Variants in CTSK observed in about 807,000 individuals in gnomAD.
CTSK encodes the protein cathepsin K, also known as cathepsin O.
In CTSK, 26 loss-of-function variants were observed where a neutral mutation model predicts 40.5. The ratio of observed to expected loss-of-function variants is 0.64; its 90% CI spans 0.47 to 0.89. The LOEUF (loss-of-function observed/expected upper bound fraction) is 0.89. Among genes scored for constraint, CTSK ranks in the 40% least tolerant of loss-of-function variants. The pLI is 0.00. For synonymous variants in CTSK, 132 were observed against 143.2 expected, an observed-to-expected ratio of 0.92 and a Z score of 0.56; for missense variants, 292 against 400.1, an observed-to-expected ratio of 0.73 and a Z score of 2.30.
rs1269008051 is a variant in CTSK, at chr1:150,799,292, G to C, written c.785-19C>G. On this transcript the variant is annotated intron_variant, in intron 6 of 7. Transcript: ENST00000271651. ...TACACACCTAGAATACAAACTACCA[G>C]CGTGAGGCTCTATGCAATCCAAGGG... 3.2e-6 allele frequency: 5 copies of C among 1,555,862 alleles called. No homozygotes were observed. In the African/African-American group the frequency reaches 6.8e-5, roughly 21 times the overall value.
intron 2 of CTSK, 118 bp downstream of exon 2, chr1:150,806,567 GA>G: frequency 7.7e-7 from 1 of 1,304,172 alleles, no homozygotes; most frequent in South Asian, 1.2e-5. Context: ...ATGAGTTAGG[GA>G]AGAGGGACTG....
At chr1:150,799,033 C>A in intron 7 of CTSK, 135 bp downstream of exon 7, 1 of 698,332 alleles carries the variant, frequency 1.4e-6, no homozygotes, top group South Asian at 1.6e-5. Context: ...GAGCCTCTGA[C>A]TGAGAAGATA....
At chr1:150,807,080 T>TCACACACACACACACACA (rs1171180978) in intron 1 of CTSK, among the ~76,000 whole-genome samples, 6 of 69,550 alleles carry the variant, frequency 8.6e-5, no homozygotes, top group Non-Finnish European at 1.4e-4. Context: ...TCTCTCTCTC[T>TCACACACACACACACACA]CACACACACA....
intron 1 of CTSK, among the ~76,000 whole-genome samples, chr1:150,807,067 GTCTCTCTC>G (rs60084401): frequency 2.2e-4 from 28 of 128,658 alleles, no homozygotes; most frequent in Admixed American, 3.2e-4. Context: ...TTCTCTCTCT[GTCTCTCTC>G]TCTCTCACAC....
intron 7 of CTSK, 32 bp from the exon 8 acceptor site, chr1:150,796,930 C>G: frequency 7.3e-7 from 1 of 1,367,998 alleles, no homozygotes; most frequent in Non-Finnish European, 1.0e-6. Context: ...ATACTTAGTA[C>G]TCTCAGTTTA....
chr1:150,801,425 C>T (rs1653985969), intron 5 of CTSK, among the ~76,000 whole-genome samples: 1 of 151,850 alleles, frequency 6.6e-6, no homozygotes, highest in Non-Finnish European at 1.5e-5. Flanking sequence ...GGCCACATCT[C>T]TTCTTTTTTA....
At chr1:150,800,490 A>G (rs1571124285) in intron 5 of CTSK, 1 of 153,656 alleles carries the variant, frequency 6.5e-6, no homozygotes, top group African/African-American at 2.4e-5. Context: ...ACACTAAAAT[A>G]GATTAAAGAA....
intron 5 of CTSK, among the ~76,000 whole-genome samples, chr1:150,803,764 C>T (rs972882008): frequency 6.6e-6 from 1 of 152,114 alleles, no homozygotes. Flanking sequence ...GAACCCAGCT[C>T]GGAAGTCTAT....
chr1:150,806,534 A>G (rs1654095529), intron 2 of CTSK, 152 bp downstream of exon 2: 1 of 1,008,676 alleles, frequency 9.9e-7, no homozygotes, highest in Non-Finnish European at 1.5e-6. Flanking sequence ...TTTGAAGCAT[A>G]GGAATGAAAA....
chr1:150,806,332 G>C (rs1343404456), intron 2 of CTSK, 108 bp from the exon 3 acceptor site: 3 of 1,294,492 alleles, frequency 2.3e-6, no homozygotes, highest in Non-Finnish European at 3.2e-6. Flanking sequence ...AAAGTTTACA[G>C]TTTAGTTGGG....
chr1:150,807,145 G>GGATAGAA (rs1228705691), intron 1 of CTSK: 8 of 436,778 alleles, frequency 1.8e-5, no homozygotes, highest in Non-Finnish European at 2.7e-5. Flanking sequence ...CAGAAATGGG[G>GGATAGAA]GATAGAAACT....
At chr1:150,797,479 A>T (rs943919920) in intron 7 of CTSK, among the ~76,000 whole-genome samples, 3 of 152,156 alleles carry the variant, frequency 2.0e-5, no homozygotes, top group Non-Finnish European at 4.4e-5. Context: ...AAAGAGGCTG[A>T]AGCTGGTGAT....
intron 1 of CTSK, chr1:150,807,557 AGCCTC>A (rs1465423801): frequency 3.5e-5 from 12 of 347,014 alleles, no homozygotes. Flanking sequence ...AAGGACAAGA[AGCCTC>A]AGATCCAAGG....
intron 5 of CTSK, among the ~76,000 whole-genome samples, chr1:150,802,614 G>T (rs1654014500): frequency 6.6e-6 from 1 of 152,058 alleles, no homozygotes; most frequent in South Asian, 2.1e-4. Context: ...ATGAGGTCTT[G>T]CTATGTTGTA....
At chr1:150,807,005 T>TCTCTCTCTC (rs146635750) in intron 1 of CTSK, among the ~76,000 whole-genome samples, 199 bp from the exon 2 acceptor site, 18 of 138,966 alleles carry the variant, frequency 1.3e-4, no homozygotes, top group Admixed American at 7.4e-4. Flanking sequence ...ATTTCTCTCT[T>TCTCTCTCTC]TCTCTCTCTC....
At chr1:150,805,180 C>T (rs1296648446) in intron 4 of CTSK, among the ~76,000 whole-genome samples, 1 of 137,336 alleles carries the variant, frequency 7.3e-6, no homozygotes, top group Admixed American at 8.0e-5. Context: ...CGCCACTGGA[C>T]TCCAGCCTGG....
chr1:150,806,021 G>A lies in CTSK; in HGVS notation c.244-5C>T. 6.2e-7 allele frequency: 1 copy of A among 1,614,192 alleles called. No individual in the cohort carries two copies. The highest frequency in any genetic ancestry group is 8.5e-7 in the Non-Finnish European group (1 of 1,180,044). On this transcript the variant is annotated splice_region_variant and splice_polypyrimidine_tract_variant and intron_variant, in intron 3 of 7. Transcript: ENST00000271651. The stretch of plus-strand genomic sequence containing the variant: ...CTGAACCACCTCTTCACTGGTCTAA[G>A]ACAAAGAAGAAAGAGGCCAGGCATC...
chr1:150,796,749 G>T lies in CTSK; in HGVS notation c.*50C>A. On this transcript the variant is annotated 3_prime_UTR_variant, in exon 8 of 8. Coordinates refer to ENST00000271651, the MANE Select transcript of CTSK (RefSeq NM_000396.4). Reference sequence around the variant, plus strand: ...CCCTTCCAAAGTGCATCGTTACACTGCACCATCGTGGAAGAAATGGAAGAG... The same window carrying T: ...CCCTTCCAAAGTGCATCGTTACACTTCACCATCGTGGAAGAAATGGAAGAG... 1.6e-6 allele frequency: 2 copies of T among 1,281,454 alleles called. No homozygotes were observed. The highest frequency in any genetic ancestry group is 2.3e-6 in the Non-Finnish European group (2 of 876,080). The allele number at this position is 1,281,454 out of a possible 1,614,324, so 79.4% of individuals were successfully genotyped here.
At chr1:150,798,778 A>G (rs1481951048) in intron 7 of CTSK, among the ~76,000 whole-genome samples, 1 of 152,200 alleles carries the variant, frequency 6.6e-6, no homozygotes. Flanking sequence ...GGTTCTTTAA[A>G]GAGTCGGCAC....
Sources: gnomAD v4.1 joint callset for allele counts (sites outside exome capture counted in the v4.1 genomes callset) on GRCh38, gnomAD v4.1.1 for gene constraint, MANE v1.5 for transcripts, NCBI Gene and HGNC (gene_info 2026-07-23, HGNC 2026-07-21) for gene names.